Variants in WHRN observed in about 807,000 individuals in gnomAD.
The protein encoded by WHRN is CASK-interacting protein CIP98.
In WHRN, 41 loss-of-function variants were observed where a neutral mutation model predicts 68.3. The ratio of observed to expected loss-of-function variants is 0.60; its 90% CI spans 0.47 to 0.78. The LOEUF is 0.78. Among genes scored for constraint, WHRN ranks in the 30% least tolerant of loss-of-function variants. The pLI is 0.00. For synonymous variants in WHRN, 560 were observed against 561.3 expected, an observed-to-expected ratio of 1.00 and a Z score of 0.03; for missense variants, 1,243 against 1,244.7, an observed-to-expected ratio of 1.00 and a Z score of 0.02.
At chr9:114,449,903 C>T (rs572591871) in intron 3 of WHRN, among the ~76,000 whole-genome samples, 1 of 152,236 alleles carries the variant, frequency 6.6e-6, no homozygotes, top group East Asian at 1.9e-4. Flanking sequence ...CTCATGTTGT[C>T]TTGACAATAT....
intron 3 of WHRN, among the ~76,000 whole-genome samples, chr9:114,444,687 TA>T (rs1191737646): frequency 6.6e-6 from 1 of 151,948 alleles, no homozygotes; most frequent in Non-Finnish European, 1.5e-5. Flanking sequence ...TTCCTCTTTT[TA>T]AAAAAGCAAA....
Position 114,402,892 on chromosome 9 carries a change from G to T in WHRN, c.2586C>A (p.His862Gln), listed in dbSNP as rs117592152. Residue 862 changes from histidine to glutamine, a missense_variant, in exon 12 of 12, where the codon CAC becomes CAA. By Grantham distance (24) the His-to-Gln change is conservative (BLOSUM62 0). Transcript: ENST00000362057. ...TCAGCCCATTCACTTCCAGAATCAC[G>T]TGGCCCACCTTGAGCTGCCCACAGT... is the stretch of plus-strand genomic sequence containing the variant. The part of the protein sequence containing the change: ...AHNCGQLKVG[H>Q]VILEVNGLTL... 3,545 of 1,613,778 alleles carry T rather than the reference G, an allele frequency of 2.2e-3. 160 individuals are homozygous for T. In the East Asian group the frequency reaches 0.064, roughly 29 times the overall value.
intron 3 of WHRN, among the ~76,000 whole-genome samples, chr9:114,453,768 C>A (rs920153431): frequency 6.6e-6 from 1 of 151,990 alleles, no homozygotes; most frequent in Non-Finnish European, 1.5e-5. Context: ...TCATCTCCCC[C>A]AAAAAAACTC....
rs571532889 is a variant in WHRN at position 114,450,109 on chromosome 9, G to T, written c.963+16158C>A. The stretch of plus-strand genomic sequence containing the variant: ...AGGGATAGGCACTCCCGAGGGCATG[G>T]CTCATTAGAAAAAACCCACTCCAGC... On this transcript the variant is annotated intron_variant, in intron 3 of 11. Coordinates refer to ENST00000362057, the MANE Select transcript of WHRN (RefSeq NM_015404.4). 7.2e-5 allele frequency among the ~76,000 whole-genome samples: 11 copies of T among 152,098 alleles called. No homozygotes were observed. In the South Asian group the frequency reaches 1.9e-3, roughly 26 times the overall value.
At chr9:114,485,574 C>T (rs1435670760) in intron 1 of WHRN, among the ~76,000 whole-genome samples, 1 of 152,166 alleles carries the variant, frequency 6.6e-6, no homozygotes, top group Non-Finnish European at 1.5e-5. Context: ...TGGCTGTAAT[C>T]CCAGCTACTC....
rs1311949637 is a variant in WHRN at position 114,478,274 on chromosome 9, T to C, written c.837+279A>G. 8 of 679,668 alleles carry C rather than the reference T, an allele frequency of 1.2e-5. 1 individual carries two copies. The East Asian group carries it at 2.2e-4, about 18-fold the overall frequency. The allele number at this position is 679,668 out of a possible 1,614,324, so 42.1% of individuals were successfully genotyped here. ...CCGCATTCCAGCCTGGGCGACAGAG[T>C]GAGACTCTGTCTCCAAATAGATAAA... is the stretch of plus-strand genomic sequence containing the variant. On this transcript the variant is annotated intron_variant, in intron 2 of 11. Transcript: ENST00000362057.
At chr9:114,466,243 T>TCCCTCCCTCAGG in intron 3 of WHRN, 24 bp downstream of exon 3, 1 of 1,613,532 alleles carries the variant, frequency 6.2e-7, no homozygotes, top group Non-Finnish European at 8.5e-7. Context: ...CACAGAGTTT[T>TCCCTCCCTCAGG]CCCTCCCTCA....
At chr9:114,496,571 A>G (rs1482714190) in intron 1 of WHRN, among the ~76,000 whole-genome samples, 1 of 152,250 alleles carries the variant, frequency 6.6e-6, no homozygotes. Flanking sequence ...AAGCAGGCAT[A>G]ACAGAAGACT....
chr9:114,403,768 G>A, intron 10 of WHRN, 128 bp downstream of exon 10: 1 of 1,192,462 alleles, frequency 8.4e-7, no homozygotes, highest in Non-Finnish European at 1.2e-6. Flanking sequence ...AATCCCTCCA[G>A]TTATAGGGAG....
At chr9:114,462,103 A>C (rs1332863569) in intron 3 of WHRN, among the ~76,000 whole-genome samples, 1 of 152,200 alleles carries the variant, frequency 6.6e-6, no homozygotes, top group Non-Finnish European at 1.5e-5. Context: ...TCTCTTTGTA[A>C]ATATGAAAAC....
intron 3 of WHRN, among the ~76,000 whole-genome samples, chr9:114,464,072 A>AC (rs1314522138): frequency 2.6e-5 from 4 of 152,224 alleles, no homozygotes; most frequent in Non-Finnish European, 5.9e-5. Context: ...TCTAAACACC[A>AC]CATGTATCCC....
At chr9:114,451,382 G>C (rs1014901895) in intron 3 of WHRN, among the ~76,000 whole-genome samples, 12 of 152,166 alleles carry the variant, frequency 7.9e-5, no homozygotes, top group Non-Finnish European at 1.5e-5. Flanking sequence ...AGTGAAATAG[G>C]CATGATGAAA....
At chr9:114,502,913 T>C (rs1256891670) in intron 1 of WHRN, among the ~76,000 whole-genome samples, 3 of 152,174 alleles carry the variant, frequency 2.0e-5, no homozygotes, top group African/African-American at 7.2e-5. Flanking sequence ...GGAAGAGGAA[T>C]TGTTGCATGG....
At chr9:114,494,655 T>A (rs1843294254) in intron 1 of WHRN, among the ~76,000 whole-genome samples, 1 of 152,154 alleles carries the variant, frequency 6.6e-6, no homozygotes, top group African/African-American at 2.4e-5. Flanking sequence ...TAGGTGTAAA[T>A]CCTGGCTCTG....
chr9:114,471,214 G>T (rs994441206), intron 2 of WHRN, among the ~76,000 whole-genome samples: 1 of 151,994 alleles, frequency 6.6e-6, no homozygotes, highest in Non-Finnish European at 1.5e-5. Flanking sequence ...AATATTAATA[G>T]AATAATAACT....
At chr9:114,437,697 C>T (rs1256846158) in intron 3 of WHRN, among the ~76,000 whole-genome samples, 1 of 152,232 alleles carries the variant, frequency 6.6e-6, no homozygotes, top group Admixed American at 6.5e-5. Context: ...AAGATAGCCC[C>T]TATCAGGAAC....
At chr9:114,494,743 C>G (rs1843299425) in intron 1 of WHRN, among the ~76,000 whole-genome samples, 1 of 152,186 alleles carries the variant, frequency 6.6e-6, no homozygotes, top group Non-Finnish European at 1.5e-5. Context: ...AAAATGATAC[C>G]TACTTGAACT....
Position 114,486,951 on chromosome 9 carries a change from GTGTGTGTGTATATATA to G in WHRN, c.619-8196_619-8181del, listed in dbSNP as rs1198307442. 8.4e-4 allele frequency among the ~76,000 whole-genome samples: 76 copies of G among 90,286 alleles called. 1 individual carries two copies. Among genetic ancestry groups the G allele is most frequent in the African/African-American group, 3.5e-3 (68 of 19,532 alleles). The allele number at this position is 90,286 out of a possible 152,430, so 59.2% of individuals were successfully genotyped here. A position where few individuals can be genotyped will look rare whatever the true frequency, so the allele number is the denominator to read the frequency against. The stretch of plus-strand genomic sequence containing the variant: ...GAGTGTGTGTGTGTGTTGTGTGTGT[GTGTGTGTGTATATATA>G]TATATATATATATATATATATATAT... On this transcript the variant is annotated intron_variant, in intron 1 of 11. Transcript: ENST00000362057.
At chr9:114,447,293 C>T (rs1402259167) in intron 3 of WHRN, among the ~76,000 whole-genome samples, 2 of 152,182 alleles carry the variant, frequency 1.3e-5, no homozygotes, top group Non-Finnish European at 2.9e-5. Context: ...TTGGAAGCAG[C>T]CTGCCTGGCT....
Sources: allele counts gnomAD v4.1 joint callset (sites outside exome capture counted in the v4.1 genomes callset), GRCh38; gene constraint gnomAD v4.1.1; transcripts MANE v1.5; gene names NCBI Gene and HGNC (gene_info 2026-07-23, HGNC 2026-07-21).